The following ZGPAT variants were observed in gnomAD, a reference collection of about 807,000 sequenced individuals.
ZGPAT encodes the protein zinc finger CCCH-type with G patch domain-containing protein.
A neutral mutation model predicts 47.9 loss-of-function variants in ZGPAT; 39 were observed. The ratio of observed to expected loss-of-function variants is 0.81; its 90% CI spans 0.63 to 1.06. The LOEUF (loss-of-function observed/expected upper bound fraction) is 1.06, where lower values mean the gene tolerates loss of function less well. ZGPAT is among the 50% of genes least tolerant of loss of function. The pLI is 0.00. For missense variants in ZGPAT, 717 were observed against 681.4 expected (o/e 1.05, Z -0.58); for synonymous variants, 348 against 292.9 (o/e 1.19, Z -1.92).
At chr20:63,711,796 C>T (rs1363512548) in intron 2 of ZGPAT, among the ~76,000 whole-genome samples, 1 of 152,106 alleles carries the variant, frequency 6.6e-6, no homozygotes, top group Admixed American at 6.6e-5. Context: ...CCATGTTGGC[C>T]AGGCTGGTCT....
rs989899542 is a variant in ZGPAT, at chr20:63,723,408, C to T, written c.585-9811C>T. Among the ~76,000 whole-genome samples, 3 of 145,698 alleles carry T rather than the reference C, an allele frequency of 2.1e-5. No homozygotes were observed. In the South Asian group the frequency reaches 6.8e-4, roughly 33 times the overall value. ...CTCCTATGACACAGCTCCATCCTCC[C>T]TTCTCCTATGACACAGCTCCATCCT... On this transcript the variant is annotated intron_variant, in intron 2 of 6. Transcript: ENST00000355969.
intron 2 of ZGPAT, among the ~76,000 whole-genome samples, 184 bp from the exon 3 acceptor site, chr20:63,733,035 C>T (rs2091937487): frequency 1.3e-5 from 2 of 150,164 alleles, no homozygotes; most frequent in Non-Finnish European, 3.0e-5. Flanking sequence ...TGAGTGTGTG[C>T]ATGTGTGTGT....
chr20:63,727,185 T>C (rs2145678848), intron 2 of ZGPAT, among the ~76,000 whole-genome samples: 1 of 152,178 alleles, frequency 6.6e-6, no homozygotes, highest in African/African-American at 2.4e-5. Context: ...ACTAAAAATG[T>C]CCTTTCAGTG....
chr20:63,720,177 A>G (rs1201195535), intron 2 of ZGPAT, among the ~76,000 whole-genome samples: 1 of 149,510 alleles, frequency 6.7e-6, no homozygotes, highest in African/African-American at 2.5e-5. Context: ...TTTTTTTTAG[A>G]TGGAGTCTCA....
chr20:63,723,065 G>A (rs959341669), intron 2 of ZGPAT, among the ~76,000 whole-genome samples: 37 of 146,810 alleles, frequency 2.5e-4, no homozygotes, highest in African/African-American at 8.9e-4. Context: ...CTCCTATGAC[G>A]TCCTCCCTTC....
At chr20:63,715,919 CTT>C (rs1269741438) in intron 2 of ZGPAT, among the ~76,000 whole-genome samples, 26 of 152,090 alleles carry the variant, frequency 1.7e-4, no homozygotes, top group Admixed American at 1.6e-3. Flanking sequence ...TTGAAATTGA[CTT>C]TTCTTTTTGG....
rs779698520 is a variant in ZGPAT at position 63,708,656 on chromosome 20, GC to G, written c.78del (p.Gly27AlafsTer17). 6.2e-7 allele frequency: 1 copy of G among 1,612,510 alleles called. No individual in the cohort carries two copies. Among genetic ancestry groups the G allele is most frequent in the East Asian group, 2.2e-5 (1 of 44,862 alleles). On this transcript the variant is annotated frameshift_variant, in exon 2 of 7. Transcript: ENST00000355969. LOFTEE classifies it high-confidence loss of function. ...QLQQVELALG[A>X]GLDSSEQADL... is the part of the protein sequence containing the mutation. The stretch of plus-strand genomic sequence containing the variant: ...GCAGCAGGTGGAGCTGGCCTTGGGC[GC>G]CGGCCTGGATTCGTCTGAGCAGGCT...
intron 2 of ZGPAT, 71 bp from the exon 3 acceptor site, chr20:63,733,148 T>C: frequency 6.3e-7 from 1 of 1,575,476 alleles, no homozygotes; most frequent in Non-Finnish European, 8.6e-7. Context: ...GGCGGATGGG[T>C]CAGTGCTCCT....
chr20:63,725,980 A>G (rs2091841875), intron 2 of ZGPAT, among the ~76,000 whole-genome samples: 1 of 150,322 alleles, frequency 6.7e-6, no homozygotes, highest in African/African-American at 2.5e-5. Flanking sequence ...GGACTACCGG[A>G]GTGTGCCACC....
intron 2 of ZGPAT, among the ~76,000 whole-genome samples, chr20:63,714,576 T>G (rs897527599): frequency 6.6e-6 from 1 of 152,152 alleles, no homozygotes; most frequent in Non-Finnish European, 1.5e-5. Context: ...TTCTGTAGAT[T>G]CCCTTTATCG....
chr20:63,718,702 C>T (rs574052560), intron 2 of ZGPAT, among the ~76,000 whole-genome samples: 1 of 151,884 alleles, frequency 6.6e-6, no homozygotes, highest in Non-Finnish European at 1.5e-5. Context: ...GCTGTCATCC[C>T]TCCTCGGCCT....
intron 2 of ZGPAT, among the ~76,000 whole-genome samples, chr20:63,721,794 T>C (rs1478044291): frequency 6.6e-6 from 1 of 151,914 alleles, no homozygotes; most frequent in African/African-American, 2.4e-5. Context: ...GGCGGGTGAA[T>C]TGCTTGAGGT....
At chr20:63,713,606 C>T (rs1261557618) in intron 2 of ZGPAT, among the ~76,000 whole-genome samples, 1 of 151,534 alleles carries the variant, frequency 6.6e-6, no homozygotes, top group African/African-American at 2.4e-5. Flanking sequence ...CACCGTGGCT[C>T]ACGCCTGTAA....
chr20:63,725,275 C>T (rs6011058), intron 2 of ZGPAT, among the ~76,000 whole-genome samples: 111,269 of 152,186 alleles, frequency 0.73, 41,340 homozygotes, highest in African/African-American at 0.83. Context: ...TGAGCCACCG[C>T]GCCCGGCTAG....
At position 63,735,923 on chromosome 20, in the gene ZGPAT, C is replaced by A. The variant is rs2091985940; in HGVS notation, c.*4C>A. On this transcript the variant is annotated 3_prime_UTR_variant, in exon 7 of 7. Coordinates refer to ENST00000355969, the MANE Select transcript of ZGPAT (RefSeq NM_181485.3). The stretch of plus-strand genomic sequence containing the variant: ...CAAGAAGATGACTGAGTTCTAGAGA[C>A]CCCACAAGCACTATGGACGAAGCGT... The A allele has an allele frequency of 1.9e-6, 3 of 1,610,374 alleles. No homozygotes were observed. The highest frequency in any genetic ancestry group is 2.7e-5 in the African/African-American group (2 of 75,002).
chr20:63,718,010 T>C (rs2145655396), intron 2 of ZGPAT, among the ~76,000 whole-genome samples: 1 of 151,744 alleles, frequency 6.6e-6, no homozygotes, highest in East Asian at 1.9e-4. Context: ...ACCATTGCAC[T>C]CCAGCCTGGG....
intron 2 of ZGPAT, chr20:63,730,393 A>C (rs1221702980): frequency 6.6e-6 from 1 of 152,232 alleles, no homozygotes; most frequent in Non-Finnish European, 1.5e-5. Flanking sequence ...ATGAGACAAA[A>C]TCCCTGTTCC....
chr20:63,709,026 A>C lies in ZGPAT; in HGVS notation c.446A>C (p.Asn149Thr). Residue 149 changes from asparagine to threonine, a missense_variant, in exon 2 of 7, where the codon AAC (asparagine) becomes ACC (threonine). By Grantham distance (65) the Asn-to-Thr change is moderately conservative. Coordinates refer to ENST00000355969, the MANE Select transcript of ZGPAT (RefSeq NM_181485.3). ...TCCTGGGGCACTCTGGAGTATCACA[A>C]CGCCATGGTGGTGGGAACGGAAGAG... ...YSSWGTLEYHNAMVVGTEEAE... is the reference protein window; with the variant it reads ...YSSWGTLEYHTAMVVGTEEAE... 1 of 1,613,632 alleles carries C rather than the reference A, an allele frequency of 6.2e-7. No homozygotes were observed. Among genetic ancestry groups the C allele is most frequent in the Non-Finnish European group, 8.5e-7 (1 of 1,179,984 alleles).
At chr20:63,732,510 TGCGCGC>T (rs73611622) in intron 2 of ZGPAT, among the ~76,000 whole-genome samples, 1 of 151,284 alleles carries the variant, frequency 6.6e-6, no homozygotes, top group African/African-American at 2.4e-5. Context: ...AGGGCACGTG[TGCGCGC>T]GTGTGGGTGA....
Sources: gnomAD v4.1 joint callset for allele counts (sites outside exome capture counted in the v4.1 genomes callset) on GRCh38, gnomAD v4.1.1 for gene constraint, MANE v1.5 for transcripts, NCBI Gene and HGNC (gene_info 2026-07-23, HGNC 2026-07-21) for gene names.